Variants in TAFA1 observed in about 807,000 individuals in gnomAD.
The protein encoded by TAFA1 is chemokine-like protein TAFA-1.
Under a neutral mutation model 18.5 loss-of-function variants are expected in TAFA1, and 4 were observed. That is an observed-to-expected ratio of 0.22 (90% confidence interval 0.11 to 0.49). The LOEUF is 0.49. Ranked by LOEUF, TAFA1 falls within the 20% of genes least tolerant of loss-of-function variation. TAFA1 has a pLI of 0.98. For missense variants in TAFA1, 147 were observed against 169.0 expected (o/e 0.87, Z 0.72); for synonymous variants, 56 against 55.2 (o/e 1.01, Z -0.06).
intron 2 of TAFA1, among the ~76,000 whole-genome samples, chr3:68,283,499 A>G (rs1397585191): frequency 6.6e-6 from 1 of 152,186 alleles, no homozygotes; most frequent in Non-Finnish European, 1.5e-5. Flanking sequence ...ATAAAACACC[A>G]TGACTTTACT....
At chr3:68,538,044 T>TA (rs891520169) in intron 3 of TAFA1, among the ~76,000 whole-genome samples, 3 of 152,216 alleles carry the variant, frequency 2.0e-5, no homozygotes, top group Non-Finnish European at 2.9e-5. Context: ...GTTGAAATGA[T>TA]AGAGGTGTGG....
chr3:68,027,296 T>C (rs2106641720), intron 2 of TAFA1, among the ~76,000 whole-genome samples: 1 of 152,278 alleles, frequency 6.6e-6, no homozygotes, highest in South Asian at 2.1e-4. Flanking sequence ...TTTCTCCCAA[T>C]ATTTAGCAGA....
chr3:68,300,554 A>G (rs777813056), intron 2 of TAFA1, among the ~76,000 whole-genome samples: 8 of 152,116 alleles, frequency 5.3e-5, no homozygotes, highest in Non-Finnish European at 8.8e-5. Flanking sequence ...GAATGAAGTT[A>G]TACTTTGGGG....
intron 2 of TAFA1, among the ~76,000 whole-genome samples, chr3:68,167,559 A>G (rs1246376141): frequency 3.4e-5 from 5 of 147,328 alleles, no homozygotes; most frequent in Admixed American, 1.4e-4. Context: ...CCTGGGTGAC[A>G]GAGCAAGACT....
chr3:68,103,970 C>T (rs975974994), intron 2 of TAFA1, among the ~76,000 whole-genome samples: 2 of 152,172 alleles, frequency 1.3e-5, no homozygotes, highest in African/African-American at 4.8e-5. Flanking sequence ...TTCCCATTGA[C>T]TTAAGTTTCC....
At chr3:68,379,724 AT>A (rs71112638) in intron 2 of TAFA1, among the ~76,000 whole-genome samples, 32,805 of 141,846 alleles carry the variant, frequency 0.23, 3,880 homozygotes, top group Admixed American at 0.28. Context: ...TTTTAAGTTG[AT>A]TTTTTTTTTT....
At position 68,461,360 on chromosome 3, in the gene TAFA1, C is replaced by CATATATATATATATATATATATATATAT. The variant is rs5849840; in HGVS notation, c.259+43960_259+43961insATATATATATATATATATATATATATAT. Among the ~76,000 whole-genome samples, 160 of 106,460 alleles carry CATATATATATATATATATATATATATAT rather than the reference C, an allele frequency of 1.5e-3. 2 individuals are homozygous for CATATATATATATATATATATATATATAT. The highest frequency in any genetic ancestry group is 4.0e-3 in the African/African-American group (96 of 24,080). The allele number at this position is 106,460 out of a possible 152,430, so 69.8% of individuals were successfully genotyped here. A position where few individuals can be genotyped will look rare whatever the true frequency, so the allele number is the denominator to read the frequency against. On this transcript the variant is annotated intron_variant, in intron 3 of 4. Transcript: ENST00000478136. ...GAAGGAACCCAGGCCAATGAAAGTG[C>CATATATATATATATATATATATATATAT]ATATATATATATATATATATGTATG...
chr3:68,280,378 A>T (rs2067876913), intron 2 of TAFA1, among the ~76,000 whole-genome samples: 1 of 152,176 alleles, frequency 6.6e-6, no homozygotes, highest in East Asian at 1.9e-4. Flanking sequence ...TTACAAAGTT[A>T]GTGACATTTA....
chr3:68,168,887 A>C (rs1227321836), intron 2 of TAFA1, among the ~76,000 whole-genome samples: 1 of 152,186 alleles, frequency 6.6e-6, no homozygotes, highest in East Asian at 1.9e-4. Flanking sequence ...CCTTCTCTGA[A>C]CTTTTGAAGT....
At chr3:68,158,700 T>C (rs1313678987) in intron 2 of TAFA1, among the ~76,000 whole-genome samples, 5 of 152,166 alleles carry the variant, frequency 3.3e-5, no homozygotes, top group African/African-American at 7.2e-5. Context: ...CCTCACTTTG[T>C]GATGACCTTA....
chr3:68,345,113 C>T (rs262216), intron 2 of TAFA1, among the ~76,000 whole-genome samples: 90,893 of 151,624 alleles, frequency 0.6, 28,156 homozygotes, highest in East Asian at 1. Context: ...TGGAGTGTAA[C>T]AAAATGTCCA....
chr3:68,389,272 A>AT (rs2070173728), intron 2 of TAFA1, among the ~76,000 whole-genome samples: 1 of 152,240 alleles, frequency 6.6e-6, no homozygotes. Context: ...CTAGGCTCAC[A>AT]TTTTTTACCA....
intron 2 of TAFA1, among the ~76,000 whole-genome samples, chr3:68,067,603 G>T (rs1429478730): frequency 1.3e-5 from 2 of 152,132 alleles, no homozygotes; most frequent in African/African-American, 2.4e-5. Flanking sequence ...GGTTTTACAG[G>T]ATTATTTTTA....
At chr3:68,208,159 T>C (rs762328777) in intron 2 of TAFA1, among the ~76,000 whole-genome samples, 4 of 152,026 alleles carry the variant, frequency 2.6e-5, no homozygotes, top group African/African-American at 9.7e-5. Flanking sequence ...ATGAAGGATA[T>C]GGACGTTTGG....
At chr3:68,128,079 G>T (rs1476094870) in intron 2 of TAFA1, among the ~76,000 whole-genome samples, 1 of 151,764 alleles carries the variant, frequency 6.6e-6, no homozygotes, top group African/African-American at 2.4e-5. Flanking sequence ...ATGTAGGGTA[G>T]GTATCATTAT....
chr3:68,201,080 T>C (rs1244230971), intron 2 of TAFA1, among the ~76,000 whole-genome samples: 1 of 151,674 alleles, frequency 6.6e-6, no homozygotes, highest in Non-Finnish European at 1.5e-5. Context: ...TTGTTTTCAC[T>C]CATTTTATTT....
chr3:68,272,162 G>A (rs1370949038), intron 2 of TAFA1, among the ~76,000 whole-genome samples: 1 of 152,118 alleles, frequency 6.6e-6, no homozygotes, highest in Non-Finnish European at 1.5e-5. Context: ...CAGGTGAAAA[G>A]CTGCTCTTTT....
chr3:68,223,529 G>T (rs1234057581), intron 2 of TAFA1, among the ~76,000 whole-genome samples: 1 of 91,356 alleles, frequency 1.1e-5, no homozygotes, highest in Non-Finnish European at 2.4e-5. Context: ...AGCCTGTTAG[G>T]ACCATTTTTT....
intron 2 of TAFA1, among the ~76,000 whole-genome samples, chr3:68,161,790 T>C (rs947132983): frequency 2.6e-5 from 4 of 152,166 alleles, no homozygotes; most frequent in Admixed American, 6.5e-5. Context: ...TTTAGTCTTA[T>C]TGGCATGGAG....
Sources: allele counts gnomAD v4.1 joint callset (sites outside exome capture counted in the v4.1 genomes callset), GRCh38; gene constraint gnomAD v4.1.1; transcripts MANE v1.5; gene names NCBI Gene and HGNC (gene_info 2026-07-23, HGNC 2026-07-21).